The following AOPEP variants were observed in gnomAD, a reference collection of about 807,000 sequenced individuals.
AOPEP encodes aminopeptidase O (putative), also known as aminopeptidase O.
Under a neutral mutation model 98.1 loss-of-function variants are expected in AOPEP, and 77 were observed. The ratio of observed to expected loss-of-function variants is 0.78; its 90% CI spans 0.65 to 0.95. AOPEP has a LOEUF of 0.95. AOPEP is among the 40% of genes least tolerant of loss of function. The pLI, the probability that AOPEP is intolerant of heterozygous loss-of-function variation, is 0.00. For synonymous variants in AOPEP, 346 were observed against 365.3 expected (o/e 0.95, Z 0.60); for missense variants, 1,024 against 1,024.7 (o/e 1.00, Z 0.01).
chr9:95,111,111 A>G, the AOPEP span: 1 of 1,524,798 alleles, frequency 6.6e-7, no homozygotes, highest in South Asian at 1.2e-5. Context: ...TGCTGCCGGC[A>G]CACCCCTCAG....
intron 15 of AOPEP, among the ~76,000 whole-genome samples, 179 bp from the exon 16 acceptor site, chr9:95,082,396 G>C (rs1052999024): frequency 6.6e-6 from 1 of 152,234 alleles, no homozygotes; most frequent in East Asian, 1.9e-4. Context: ...GGAGGAGACA[G>C]GGATTGCAGA....
In AOPEP at chr9:94,750,756, C is replaced by CTTT. The variant is rs536762614; in HGVS notation, c.-135-8879_-135-8877dup. 2.8e-4 allele frequency among the ~76,000 whole-genome samples: 37 copies of CTTT among 130,910 alleles called. 1 individual carries two copies. Among genetic ancestry groups the CTTT allele is most frequent in the South Asian group, 1.0e-3 (4 of 3,940 alleles). The allele number at this position is 130,910 out of a possible 152,430, so 85.9% of individuals were successfully genotyped here. On this transcript the variant is annotated intron_variant, in intron 1 of 16. Coordinates refer to ENST00000375315, the MANE Select transcript of AOPEP (RefSeq NM_001193329.3). Reference sequence around the variant, plus strand: ...ATTTTTCTTTTCTTTTCTTTTCTTTCTTTTTTTTTTTTTTTTGTGAGACGG... The same window carrying CTTT: ...ATTTTTCTTTTCTTTTCTTTTCTTTCTTTTTTTTTTTTTTTTTTTGTGAGACGG...
chr9:95,083,010 A>C, intron 16 of AOPEP: 1 of 319,092 alleles, frequency 3.1e-6, no homozygotes, highest in Non-Finnish European at 5.8e-6. Flanking sequence ...AGGTTTTATA[A>C]TCTGTTGAAA....
intron 13 of AOPEP, among the ~76,000 whole-genome samples, chr9:95,008,515 T>A (rs1019630431): frequency 6.6e-6 from 1 of 152,168 alleles, no homozygotes; most frequent in Non-Finnish European, 1.5e-5. Flanking sequence ...TGCTGAGTAG[T>A]AGGCACAGTC....
At chr9:94,815,317 G>T (rs1020791957) in intron 5 of AOPEP, among the ~76,000 whole-genome samples, 6 of 152,188 alleles carry the variant, frequency 3.9e-5, no homozygotes, top group African/African-American at 1.4e-4. Flanking sequence ...GCACTGTAAA[G>T]TGTTTTGATT....
intron 9 of AOPEP, among the ~76,000 whole-genome samples, chr9:94,959,440 A>G (rs569626320): frequency 9.2e-5 from 14 of 152,086 alleles, no homozygotes; most frequent in Non-Finnish European, 1.9e-4. Flanking sequence ...CTTTCCCTCC[A>G]TTGAATTGCC....
chr9:94,833,672 A>G (rs538774755), intron 5 of AOPEP, among the ~76,000 whole-genome samples: 1 of 152,338 alleles, frequency 6.6e-6, no homozygotes, highest in Admixed American at 6.5e-5. Context: ...CAATGGTTTG[A>G]AACGCATCAA....
chr9:94,979,355 T>G lies in AOPEP; in HGVS notation c.1917-12T>G. The G allele has an allele frequency of 1.3e-6, 2 of 1,585,774 alleles. No homozygotes were observed. Among genetic ancestry groups the G allele is most frequent in the Non-Finnish European group, 1.7e-6 (2 of 1,159,186 alleles). ...TTTTAATCCTTTACTTTTTGTTGTT[T>G]TATTTCTAAAGGCTTGAGCTGTCTG... On this transcript the variant is annotated splice_polypyrimidine_tract_variant and intron_variant, in intron 10 of 16. Coordinates refer to ENST00000375315, the MANE Select transcript of AOPEP (RefSeq NM_001193329.3).
chr9:94,960,172 G>A (rs1035744797), intron 9 of AOPEP, among the ~76,000 whole-genome samples: 2 of 152,280 alleles, frequency 1.3e-5, no homozygotes, highest in South Asian at 2.1e-4. Flanking sequence ...AGCACTTTGG[G>A]AGGCTGAGGC....
intron 5 of AOPEP, among the ~76,000 whole-genome samples, chr9:94,903,623 T>TTA (rs1554763961): frequency 3.7e-5 from 5 of 136,716 alleles, no homozygotes; most frequent in Admixed American, 2.2e-4. Context: ...ACTCCATCTC[T>TTA]AAAAAAAAAA....
intron 5 of AOPEP, among the ~76,000 whole-genome samples, chr9:94,843,627 C>G (rs2042529623): frequency 6.6e-6 from 1 of 152,176 alleles, no homozygotes; most frequent in African/African-American, 2.4e-5. Flanking sequence ...ATATAGAATG[C>G]CCATGAGCCT....
intron 5 of AOPEP, among the ~76,000 whole-genome samples, chr9:94,832,112 A>G (rs1199069996): frequency 6.6e-6 from 1 of 152,238 alleles, no homozygotes; most frequent in Non-Finnish European, 1.5e-5. Flanking sequence ...TATTAGACAC[A>G]TGAATACAAA....
chr9:94,946,765 G>A (rs931871643), intron 7 of AOPEP, among the ~76,000 whole-genome samples: 4 of 151,970 alleles, frequency 2.6e-5, no homozygotes, highest in Non-Finnish European at 4.4e-5. Flanking sequence ...CGCTTTCTTG[G>A]GCTTGGTCCT....
chr9:95,094,928 T>C, the AOPEP span, among the ~76,000 whole-genome samples: 2 of 152,208 alleles, frequency 1.3e-5, no homozygotes, highest in Non-Finnish European at 2.9e-5. Flanking sequence ...CCTCCCAAAG[T>C]GTAGGATCTC....
At chr9:94,898,042 G>A (rs2049826319) in intron 5 of AOPEP, among the ~76,000 whole-genome samples, 1 of 151,862 alleles carries the variant, frequency 6.6e-6, no homozygotes, top group African/African-American at 2.4e-5. Context: ...GTTTCACCAT[G>A]TTGGCCAGGC....
At chr9:94,933,725 C>A (rs569072345) in intron 7 of AOPEP, 6 of 930,952 alleles carry the variant, frequency 6.4e-6, no homozygotes, top group Non-Finnish European at 7.7e-6. Flanking sequence ...AAATAGGAAG[C>A]CTTTTTTTAT....
chr9:95,025,215 T>C (rs1267837971), intron 13 of AOPEP, among the ~76,000 whole-genome samples: 1 of 152,226 alleles, frequency 6.6e-6, no homozygotes, highest in Admixed American at 6.5e-5. Context: ...CTTGGTGTCC[T>C]GGCTTTTGGA....
chr9:95,000,071 G>T (rs1415268704), intron 11 of AOPEP, among the ~76,000 whole-genome samples: 1 of 152,070 alleles, frequency 6.6e-6, no homozygotes, highest in Non-Finnish European at 1.5e-5. Context: ...TGAAAATTAT[G>T]CTTTGTAAGG....
chr9:94,887,857 G>A (rs940869590), intron 5 of AOPEP, among the ~76,000 whole-genome samples: 2 of 152,056 alleles, frequency 1.3e-5, no homozygotes, highest in African/African-American at 2.4e-5. Flanking sequence ...CTAGGGCTGC[G>A]CATGTTTAAG....
Sources: gnomAD v4.1 joint callset for allele counts (sites outside exome capture counted in the v4.1 genomes callset) on GRCh38, gnomAD v4.1.1 for gene constraint, MANE v1.5 for transcripts, NCBI Gene and HGNC (gene_info 2026-07-23, HGNC 2026-07-21) for gene names.